The following AGBL1 variants were observed in gnomAD, a reference collection of about 807,000 sequenced individuals.
The protein encoded by AGBL1 is AGBL carboxypeptidase 1.
A neutral mutation model predicts 118.9 loss-of-function variants in AGBL1; 130 were observed. The observed-to-expected ratio is 1.09, with a 90% CI of 0.95 to 1.26. The LOEUF is 1.26. Ranked by LOEUF, AGBL1 falls within the 50% of genes most tolerant of loss-of-function variation. AGBL1 has a pLI of 0.00. For missense variants in AGBL1, 1,584 were observed against 1,298.1 expected (o/e 1.22, Z -3.38); for synonymous variants, 555 against 478.9 (o/e 1.16, Z -2.08).
chr15:86,129,523 A>G (rs1442034812), intron 1 of AGBL1, among the ~76,000 whole-genome samples: 3 of 152,166 alleles, frequency 2.0e-5, no homozygotes, highest in Non-Finnish European at 2.9e-5. Flanking sequence ...GAGGAATAGT[A>G]TGTTACATAG....
At chr15:86,160,946 C>T (rs1256645506) in intron 5 of AGBL1, among the ~76,000 whole-genome samples, 5 of 152,082 alleles carry the variant, frequency 3.3e-5, no homozygotes, top group East Asian at 1.9e-4. Context: ...TGTGGGGTAG[C>T]GGGGAGAAAT....
rs138808188 is a variant in AGBL1, at chr15:86,313,410, G to T, written c.2374+18002G>T. On this transcript the variant is annotated intron_variant, in intron 17 of 22. Transcript: ENST00000614907. ...ATGATTAAAAAGAAATGTAGCCAGAGGGTATGGCAGTTTCTTAAGTTGTTA... is the reference window on the plus strand; with the variant it reads ...ATGATTAAAAAGAAATGTAGCCAGATGGTATGGCAGTTTCTTAAGTTGTTA... Among the ~76,000 whole-genome samples the T allele has an allele frequency of 3.9e-3, 596 of 152,314 alleles. 7 individuals carry two copies. The highest frequency in any genetic ancestry group is 0.013 in the African/African-American group (555 of 41,572).
chr15:86,444,290 C>T lies in AGBL1; in HGVS notation c.2555+46744C>T, dbSNP rs146382710. 3.3e-4 allele frequency among the ~76,000 whole-genome samples: 51 copies of T among 152,266 alleles called. No homozygotes were observed. In the East Asian group the frequency reaches 3.7e-3, roughly 11 times the overall value. On this transcript the variant is annotated intron_variant, in intron 18 of 22. Coordinates refer to ENST00000614907, the MANE Select transcript of AGBL1 (RefSeq NM_001386094.1). ...CCCCTCTTGCTGGGTTTCCTCATTCCGCTTTTCTTCAAAGAATATCCCGCC... is the reference window on the plus strand; with the variant it reads ...CCCCTCTTGCTGGGTTTCCTCATTCTGCTTTTCTTCAAAGAATATCCCGCC...
At chr15:86,354,597 T>C (rs576884923) in intron 17 of AGBL1, among the ~76,000 whole-genome samples, 1 of 152,356 alleles carries the variant, frequency 6.6e-6, no homozygotes, top group South Asian at 2.1e-4. Context: ...TAGATCTGCA[T>C]AATCAGCCAA....
chr15:86,230,342 A>G (rs1057168613), intron 6 of AGBL1, among the ~76,000 whole-genome samples: 22 of 152,230 alleles, frequency 1.4e-4, no homozygotes, highest in Non-Finnish European at 1.3e-4. Flanking sequence ...CATCTTTGAT[A>G]TGCACCCAAA....
intron 22 of AGBL1, among the ~76,000 whole-genome samples, chr15:86,707,477 A>G (rs1383072058): frequency 6.6e-6 from 1 of 152,142 alleles, no homozygotes; most frequent in East Asian, 1.9e-4. Context: ...ATTAAATAAA[A>G]CATACTCTGC....
At chr15:86,646,376 A>T (rs1297718230) in intron 21 of AGBL1, among the ~76,000 whole-genome samples, 1 of 152,200 alleles carries the variant, frequency 6.6e-6, no homozygotes, top group African/African-American at 2.4e-5. Flanking sequence ...GTTAGACCCT[A>T]GACAGTCCTT....
At chr15:86,182,014 C>T (rs1279078199) in intron 5 of AGBL1, among the ~76,000 whole-genome samples, 1 of 151,818 alleles carries the variant, frequency 6.6e-6, no homozygotes, top group Non-Finnish European at 1.5e-5. Flanking sequence ...CTAGATTTAA[C>T]TCATCAGTGT....
intron 21 of AGBL1, among the ~76,000 whole-genome samples, chr15:86,658,983 G>A (rs1039804480): frequency 6.6e-6 from 1 of 152,144 alleles, no homozygotes; most frequent in African/African-American, 2.4e-5. Context: ...CAGAACATGT[G>A]TTGGCTGGCT....
At chr15:86,361,086 T>C (rs2080798482) in intron 17 of AGBL1, among the ~76,000 whole-genome samples, 1 of 152,026 alleles carries the variant, frequency 6.6e-6, no homozygotes, top group African/African-American at 2.4e-5. Context: ...TTTTATAATG[T>C]AGACATTTAT....
intron 24 of AGBL1, among the ~76,000 whole-genome samples, chr15:86,999,944 T>C (rs1181988543): frequency 1.8e-5 from 2 of 113,786 alleles, no homozygotes; most frequent in East Asian, 2.4e-4. Context: ...TGATATCTCA[T>C]TGTGGTTTTG....
chr15:86,512,906 AT>A (rs894929480), intron 18 of AGBL1, among the ~76,000 whole-genome samples: 29 of 151,024 alleles, frequency 1.9e-4, no homozygotes, highest in Admixed American at 4.0e-4. Flanking sequence ...TCCAGTTATT[AT>A]TTTTTTTAAA....
intron 1 of AGBL1, among the ~76,000 whole-genome samples, chr15:86,129,307 C>T (rs1332441676): frequency 6.6e-6 from 1 of 152,086 alleles, no homozygotes; most frequent in Non-Finnish European, 1.5e-5. Context: ...AGGAATCTGA[C>T]TGGTCTTGTA....
chr15:86,256,903 G>A lies in AGBL1; in HGVS notation c.786G>A (p.Gln262=), dbSNP rs4496106. The A allele has an allele frequency of 1.2e-6, 2 of 1,613,938 alleles. No individual in the cohort carries two copies. The highest frequency in any genetic ancestry group is 1.7e-6 in the Non-Finnish European group (2 of 1,179,882). The change falls in exon 8 of 23, where the codon CAG becomes CAA. Residue 262 remains glutamine, a synonymous_variant. Coordinates refer to ENST00000614907, the MANE Select transcript of AGBL1 (RefSeq NM_001386094.1). ...SMEPVISVVL[Q]ILRQCYPTSP... is the part of the protein sequence containing the mutation. ...AGCCCGTCATCTCTGTGGTGCTTCA[G>A]ATCCTGAGGCAGTGCTACCCTACGA...
chr15:86,722,529 T>G (rs1192254282), intron 22 of AGBL1, among the ~76,000 whole-genome samples: 1 of 152,134 alleles, frequency 6.6e-6, no homozygotes, highest in African/African-American at 2.4e-5. Context: ...AAGACTTAAA[T>G]GTTAGACCTA....
chr15:86,350,535 T>C (rs908078530), intron 17 of AGBL1, among the ~76,000 whole-genome samples: 2 of 152,324 alleles, frequency 1.3e-5, no homozygotes, highest in East Asian at 1.9e-4. Context: ...TCCGTATACA[T>C]AGGCTGTTTT....
At position 86,963,510 on chromosome 15, in the gene AGBL1, A is replaced by G. The variant is rs892149676; in HGVS notation, c.3222-24477A>G. On this transcript the variant is annotated intron_variant, in intron 23 of 24. Coordinates refer to the AGBL1 transcript ENST00000441037. ...TAGTATACTGGATGAATTATAAACA[A>G]TCTACCACGTTGAAAGCACACATAT... Among the ~76,000 whole-genome samples the G allele has an allele frequency of 1.7e-4, 26 of 152,160 alleles. 1 individual carries two copies. The highest frequency in any genetic ancestry group is 1.5e-3 in the Admixed American group (23 of 15,232).
At chr15:86,284,567 A>G (rs1382199174) in intron 16 of AGBL1, among the ~76,000 whole-genome samples, 1 of 152,184 alleles carries the variant, frequency 6.6e-6, no homozygotes, top group African/African-American at 2.4e-5. Context: ...GAAGTCTTTG[A>G]TTCTCTGATG....
intron 15 of AGBL1, among the ~76,000 whole-genome samples, chr15:86,274,731 T>A (rs537962636): frequency 6.6e-6 from 1 of 152,316 alleles, no homozygotes; most frequent in East Asian, 1.9e-4. Flanking sequence ...TGCTGTACCA[T>A]CATCTAGTTT....
Sources: gnomAD v4.1 joint callset for allele counts (sites outside exome capture counted in the v4.1 genomes callset) on GRCh38, gnomAD v4.1.1 for gene constraint, MANE v1.5 for transcripts, NCBI Gene and HGNC (gene_info 2026-07-23, HGNC 2026-07-21) for gene names.